The following FAF1 variants were observed in gnomAD, a reference collection of about 807,000 sequenced individuals.
FAF1 encodes Fas associated factor 1.
Under a neutral mutation model 92.5 loss-of-function variants are expected in FAF1, and 25 were observed. That is an observed-to-expected ratio of 0.27 (90% CI 0.20 to 0.38). The LOEUF is 0.38. Among genes scored for constraint, FAF1 ranks in the 10% least tolerant of loss-of-function variants. FAF1 has a pLI of 1.00. For missense variants in FAF1, 636 were observed against 793.3 expected (o/e 0.80, Z 2.38); for synonymous variants, 234 against 273.2 (o/e 0.86, Z 1.42).
chr1:50,872,266 A>G (rs978221302), intron 1 of FAF1, among the ~76,000 whole-genome samples: 1 of 152,114 alleles, frequency 6.6e-6, no homozygotes, highest in Non-Finnish European at 1.5e-5. Flanking sequence ...GTTGATTCTC[A>G]CCCTTATGGA....
chr1:50,786,214 T>G (rs542112655), intron 4 of FAF1, among the ~76,000 whole-genome samples: 2 of 152,048 alleles, frequency 1.3e-5, no homozygotes, highest in African/African-American at 4.8e-5. Flanking sequence ...TAAATGTCCA[T>G]TTATGATGTT....
At chr1:50,562,864 G>A (rs2149053780) in intron 13 of FAF1, among the ~76,000 whole-genome samples, 1 of 152,306 alleles carries the variant, frequency 6.6e-6, no homozygotes, top group South Asian at 2.1e-4. Flanking sequence ...TTCTGCATCT[G>A]TGGGTTCTGC....
chr1:50,460,287 C>T (rs369433481), intron 18 of FAF1, among the ~76,000 whole-genome samples: 4 of 152,096 alleles, frequency 2.6e-5, no homozygotes, highest in African/African-American at 7.2e-5. Flanking sequence ...GGCAAATGCC[C>T]ATTCCTTTCT....
chr1:50,640,001 C>G (rs893684411), intron 8 of FAF1, among the ~76,000 whole-genome samples: 2 of 148,008 alleles, frequency 1.4e-5, no homozygotes, highest in Non-Finnish European at 3.0e-5. Context: ...TACCATATAA[C>G]ATAAAATTCA....
intron 4 of FAF1, among the ~76,000 whole-genome samples, chr1:50,748,823 G>C (rs1659733304): frequency 6.6e-6 from 1 of 152,100 alleles, no homozygotes; most frequent in Non-Finnish European, 1.5e-5. Flanking sequence ...CATATTAAAA[G>C]AAGAAAAATA....
chr1:50,686,938 C>T (rs1656690017), intron 7 of FAF1, among the ~76,000 whole-genome samples: 1 of 152,074 alleles, frequency 6.6e-6, no homozygotes, highest in African/African-American at 2.4e-5. Context: ...AAGCGATTCT[C>T]ATGCCTCAGC....
intron 16 of FAF1, among the ~76,000 whole-genome samples, chr1:50,491,107 T>A (rs1012835075): frequency 3.3e-5 from 5 of 152,198 alleles, no homozygotes; most frequent in African/African-American, 1.2e-4. Flanking sequence ...CCAGTTCACA[T>A]ATACCATCTC....
chr1:50,744,582 A>T, intron 5 of FAF1, 102 bp downstream of exon 5: 1 of 733,874 alleles, frequency 1.4e-6, no homozygotes, highest in Non-Finnish European at 2.3e-6. Flanking sequence ...CAAATCTACT[A>T]CTGCCATATG....
chr1:50,743,428 A>G (rs967693081), intron 5 of FAF1, among the ~76,000 whole-genome samples: 1 of 152,072 alleles, frequency 6.6e-6, no homozygotes, highest in African/African-American at 2.4e-5. Context: ...TGTGGGTTCA[A>G]GCAATTCTCC....
At chr1:50,608,954 ATCTG>A (rs149354633) in intron 8 of FAF1, among the ~76,000 whole-genome samples, 2,452 of 152,274 alleles carry the variant, frequency 0.016, 68 homozygotes, top group African/African-American at 0.055. Context: ...GTGTATCTGA[ATCTG>A]TCTATCAACC....
chr1:50,767,528 TCGAAATAAAAGA>T (rs1336803905), intron 4 of FAF1, among the ~76,000 whole-genome samples: 2 of 151,736 alleles, frequency 1.3e-5, no homozygotes, highest in Admixed American at 1.3e-4. Flanking sequence ...TTCTTAAAGG[TCGAAATAAAAGA>T]CAAAATAAAA....
Position 50,732,042 on chromosome 1 carries a change from A to C in FAF1, c.551+6821T>G, listed in dbSNP as rs147864087. On this transcript the variant is annotated intron_variant, in intron 6 of 18. Transcript: ENST00000396153. Reference sequence around the variant, plus strand: ...TATTAAAATCTTCTATAGCTGACAAAGATGTATTGCTAAATACATTATTAT... The same window carrying C: ...TATTAAAATCTTCTATAGCTGACAACGATGTATTGCTAAATACATTATTAT... Among the ~76,000 whole-genome samples, 279 of 152,076 alleles carry C rather than the reference A, an allele frequency of 1.8e-3. 8 individuals are homozygous for C. In the East Asian group the frequency reaches 0.051, roughly 28 times the overall value.
rs528337685 is a variant in FAF1, at chr1:50,622,441, G to A, written c.745-26225C>T. On this transcript the variant is annotated intron_variant, in intron 8 of 18. Transcript: ENST00000396153. ...CTTGGCATTTTCTCTCCTAAGAGTTGCCCAAATTATGCTGACTTGATGATT... is the reference window on the plus strand; with the variant it reads ...CTTGGCATTTTCTCTCCTAAGAGTTACCCAAATTATGCTGACTTGATGATT... 2.0e-5 allele frequency among the ~76,000 whole-genome samples: 3 copies of A among 152,120 alleles called. No homozygotes were observed. The South Asian group carries it at 6.2e-4, about 32-fold the overall frequency.
intron 18 of FAF1, among the ~76,000 whole-genome samples, chr1:50,458,463 GAAATAGC>G (rs905346854): frequency 1.3e-5 from 2 of 152,100 alleles, no homozygotes; most frequent in African/African-American, 2.4e-5. Context: ...GGCACAAAAA[GAAATAGC>G]TATATTCATT....
At chr1:50,852,453 G>A (rs1159728187) in intron 2 of FAF1, among the ~76,000 whole-genome samples, 1 of 152,144 alleles carries the variant, frequency 6.6e-6, no homozygotes, top group Non-Finnish European at 1.5e-5. Context: ...CTCTAGAACT[G>A]AGAATCTATT....
At chr1:50,856,051 T>C (rs1644388458) in intron 2 of FAF1, among the ~76,000 whole-genome samples, 1 of 151,832 alleles carries the variant, frequency 6.6e-6, no homozygotes, top group African/African-American at 2.4e-5. Context: ...CTGATAAAAA[T>C]ATTCACTACC....
chr1:50,932,912 G>A (rs1645059652), intron 1 of FAF1, among the ~76,000 whole-genome samples: 1 of 152,188 alleles, frequency 6.6e-6, no homozygotes, highest in African/African-American at 2.4e-5. Context: ...AACACCATGT[G>A]GAAGCTGCCA....
At chr1:50,652,954 C>T (rs745896483) in intron 8 of FAF1, among the ~76,000 whole-genome samples, 3 of 152,092 alleles carry the variant, frequency 2.0e-5, no homozygotes, top group Non-Finnish European at 2.9e-5. Flanking sequence ...AAAATTAAAG[C>T]TCAGAGAATT....
chr1:50,443,005 A>G (rs1227540283), intron 18 of FAF1, among the ~76,000 whole-genome samples: 1 of 152,158 alleles, frequency 6.6e-6, no homozygotes. Context: ...CTGCTGGCAA[A>G]TGTTTACCCA....
Sources: gnomAD v4.1 joint callset for allele counts (sites outside exome capture counted in the v4.1 genomes callset) on GRCh38, gnomAD v4.1.1 for gene constraint, MANE v1.5 for transcripts, NCBI Gene and HGNC (gene_info 2026-07-23, HGNC 2026-07-21) for gene names.